The following PDE8A variants were observed in gnomAD, a reference collection of about 807,000 sequenced individuals.
PDE8A encodes high affinity cAMP-specific and IBMX-insensitive 3',5'-cyclic phosphodiesterase 8A.
A neutral mutation model predicts 105.0 loss-of-function variants in PDE8A; 59 were observed. That is an observed-to-expected ratio of 0.56 (90% CI 0.46 to 0.70). PDE8A has a LOEUF of 0.70. Ranked by LOEUF, PDE8A falls within the 30% of genes least tolerant of loss-of-function variation. The pLI is 0.00. For synonymous variants in PDE8A, 355 were observed against 371.9 expected, an observed-to-expected ratio of 0.95 and a Z score of 0.52; for missense variants, 1,014 against 1,045.9, an observed-to-expected ratio of 0.97 and a Z score of 0.42.
intron 1 of PDE8A, among the ~76,000 whole-genome samples, chr15:84,994,181 T>C (rs764175419): frequency 6.6e-6 from 1 of 152,242 alleles, no homozygotes; most frequent in Non-Finnish European, 1.5e-5. Flanking sequence ...AGTTTTTAAA[T>C]TTGAGTTTTT....
At chr15:85,070,626 G>A (rs188116143) in intron 3 of PDE8A, among the ~76,000 whole-genome samples, 61 of 152,298 alleles carry the variant, frequency 4.0e-4, no homozygotes, top group African/African-American at 1.4e-3. Context: ...TGTAGAAACA[G>A]GCAGGACATC....
At position 85,136,666 on chromosome 15, in the gene PDE8A, A is replaced by G; in HGVS notation, c.2383+3A>G. On this transcript the variant is annotated splice_donor_region_variant and intron_variant, in intron 21 of 21. Transcript: ENST00000394553. ...AGACATGTTTGATGCTTGGGATGGT[A>G]AGAAATCTTCCTTAAAATAGCATAT... The G allele has an allele frequency of 6.2e-7, 1 of 1,613,012 alleles. No individual in the cohort carries two copies. The highest frequency in any genetic ancestry group is 8.5e-7 in the Non-Finnish European group (1 of 1,179,482).
intron 19 of PDE8A, among the ~76,000 whole-genome samples, chr15:85,124,780 A>G (rs1011174780): frequency 6.6e-6 from 1 of 152,118 alleles, no homozygotes; most frequent in African/African-American, 2.4e-5. Flanking sequence ...GATAGGGCTC[A>G]TTGTCACCTG....
At chr15:85,004,498 G>A (rs570439579) in intron 1 of PDE8A, among the ~76,000 whole-genome samples, 2 of 152,298 alleles carry the variant, frequency 1.3e-5, no homozygotes, top group African/African-American at 4.8e-5. Flanking sequence ...TTGCAAACCC[G>A]TATTGTGAAG....
At chr15:84,997,237 A>G (rs995991131) in intron 1 of PDE8A, among the ~76,000 whole-genome samples, 4 of 151,844 alleles carry the variant, frequency 2.6e-5, no homozygotes, top group African/African-American at 9.7e-5. Flanking sequence ...TCTGTCACCC[A>G]GGCTGTAATG....
chr15:85,119,468 C>CAAAAAAAAAAAAAAAAAGAAAAAAAAAA (rs546194907), intron 17 of PDE8A, among the ~76,000 whole-genome samples: 1 of 58,574 alleles, frequency 1.7e-5, no homozygotes, highest in African/African-American at 6.4e-5. Flanking sequence ...ACTCTCGTCT[C>CAAAAAAAAAAAAAAAAAGAAAAAAAAAA]AAAAAAAAAA....
At chr15:85,121,668 T>C (rs955730371) in intron 18 of PDE8A, among the ~76,000 whole-genome samples, 2 of 152,088 alleles carry the variant, frequency 1.3e-5, no homozygotes, top group African/African-American at 4.8e-5. Context: ...TTTTAGTATA[T>C]TCATAGTGGT....
At chr15:85,006,737 CT>C (rs1330124413) in intron 1 of PDE8A, among the ~76,000 whole-genome samples, 3 of 151,870 alleles carry the variant, frequency 2.0e-5, no homozygotes, top group Non-Finnish European at 2.9e-5. Context: ...AAACTTACCC[CT>C]GGTAAACATT....
At chr15:85,093,086 G>A (rs1393811880) in intron 8 of PDE8A, among the ~76,000 whole-genome samples, 1 of 151,960 alleles carries the variant, frequency 6.6e-6, no homozygotes, top group African/African-American at 2.4e-5. Context: ...TTAATTATTT[G>A]TAGAGACGGG....
intron 1 of PDE8A, among the ~76,000 whole-genome samples, chr15:85,019,564 C>T (rs2141350108): frequency 6.6e-6 from 1 of 152,014 alleles, no homozygotes; most frequent in East Asian, 1.9e-4. Context: ...TAATACTATT[C>T]ATTATTTTTG....
intron 20 of PDE8A, among the ~76,000 whole-genome samples, chr15:85,130,023 A>C (rs2141645801): frequency 6.6e-6 from 1 of 152,322 alleles, no homozygotes; most frequent in South Asian, 2.1e-4. Context: ...ATTTTGGCTC[A>C]TGGTTCTGCA....
chr15:85,039,857 A>G (rs289387), intron 1 of PDE8A, among the ~76,000 whole-genome samples: 82,504 of 151,984 alleles, frequency 0.54, 22,433 homozygotes, highest in East Asian at 0.57. Context: ...CAAATACCCT[A>G]TGATTTCACT....
At position 85,115,434 on chromosome 15, in the gene PDE8A, A is replaced by C. The variant is rs922968050; in HGVS notation, c.1351-5A>C. 1 of 1,536,174 alleles carries C rather than the reference A, an allele frequency of 6.5e-7. No individual in the cohort carries two copies. The highest frequency in any genetic ancestry group is 8.8e-7 in the Non-Finnish European group (1 of 1,137,560). ...TCTTTTTCTTGTTTCCTTGATTTTT[A>C]TCAGGATGGTTTGCGAAGACTATCA... On this transcript the variant is annotated splice_polypyrimidine_tract_variant and splice_region_variant and intron_variant, in intron 14 of 21. Transcript: ENST00000394553.
intron 3 of PDE8A, among the ~76,000 whole-genome samples, chr15:85,072,236 G>T (rs1314255637): frequency 6.6e-6 from 1 of 152,182 alleles, no homozygotes; most frequent in Non-Finnish European, 1.5e-5. Context: ...ATGGAGTTGT[G>T]CTTTTGTGAA....
At chr15:85,135,564 A>C (rs1739454036) in intron 20 of PDE8A, among the ~76,000 whole-genome samples, 1 of 151,874 alleles carries the variant, frequency 6.6e-6, no homozygotes, top group Admixed American at 6.6e-5. Context: ...CCACTGTTTG[A>C]CTTGACTCCC....
At chr15:85,048,370 A>G (rs370206493) in intron 1 of PDE8A, among the ~76,000 whole-genome samples, 12 of 152,020 alleles carry the variant, frequency 7.9e-5, no homozygotes, top group East Asian at 7.7e-4. Context: ...TTTTTTATCT[A>G]TTTGATCCTT....
upstream of PDE8A, among the ~76,000 whole-genome samples, chr15:84,981,235 G>T (rs1178222818): frequency 1.3e-5 from 2 of 152,190 alleles, no homozygotes; most frequent in African/African-American, 2.4e-5. Context: ...CGGGCGCCCC[G>T]CCTGTCGTCG....
intron 17 of PDE8A, 65 bp from the exon 18 acceptor site, chr15:85,120,732 C>G: frequency 1.0e-6 from 1 of 972,474 alleles, no homozygotes; most frequent in African/African-American, 1.6e-5. Context: ...AGAAAGAAAA[C>G]TATACAGAAG....
chr15:84,992,430 G>A (rs1425180335), intron 1 of PDE8A, among the ~76,000 whole-genome samples: 2 of 152,102 alleles, frequency 1.3e-5, no homozygotes, highest in East Asian at 3.8e-4. Flanking sequence ...TAGGACGGGA[G>A]GTCTAAAAGC....
Sources: allele counts gnomAD v4.1 joint callset (sites outside exome capture counted in the v4.1 genomes callset), GRCh38; gene constraint gnomAD v4.1.1; transcripts MANE v1.5; gene names NCBI Gene and HGNC (gene_info 2026-07-23, HGNC 2026-07-21).